The following GRM5 variants were observed in gnomAD, a reference collection of about 807,000 sequenced individuals.
GRM5 encodes the protein metabotropic glutamate receptor 5.
A neutral mutation model predicts 83.1 loss-of-function variants in GRM5; 19 were observed. The observed-to-expected ratio is 0.23, with a 90% CI of 0.16 to 0.34. GRM5 has a LOEUF of 0.34. GRM5 is among the 10% of genes least tolerant of loss of function. The pLI is 1.00. For synonymous variants in GRM5, 675 were observed against 633.6 expected, an observed-to-expected ratio of 1.07 and a Z score of -0.98; for missense variants, 1,160 against 1,588.3, an observed-to-expected ratio of 0.73 and a Z score of 4.58.
chr11:88,760,475 C>T (rs182483320), intron 3 of GRM5, among the ~76,000 whole-genome samples: 1 of 152,050 alleles, frequency 6.6e-6, no homozygotes, highest in Non-Finnish European at 1.5e-5. Flanking sequence ...TGGGTAAATT[C>T]TTGGATACAT....
At chr11:88,975,849 G>A (rs182956667) in intron 2 of GRM5, among the ~76,000 whole-genome samples, 238 of 152,248 alleles carry the variant, frequency 1.6e-3, no homozygotes, top group Admixed American at 4.2e-3. Context: ...TAAGTCAATT[G>A]TGCCTCCACT....
At chr11:89,022,065 A>AT (rs2135109873) in intron 2 of GRM5, among the ~76,000 whole-genome samples, 1 of 152,094 alleles carries the variant, frequency 6.6e-6, no homozygotes, top group South Asian at 2.1e-4. Flanking sequence ...CTGGTGAAAT[A>AT]TTTTTCCCCA....
intron 2 of GRM5, among the ~76,000 whole-genome samples, chr11:88,857,330 A>T (rs2135547661): frequency 6.6e-6 from 1 of 152,210 alleles, no homozygotes; most frequent in Admixed American, 6.6e-5. Context: ...TTTTCAAAAA[A>T]ATAAAAAATA....
At chr11:88,639,746 C>T (rs1015172441) in intron 4 of GRM5, among the ~76,000 whole-genome samples, 1 of 152,038 alleles carries the variant, frequency 6.6e-6, no homozygotes, top group Non-Finnish European at 1.5e-5. Context: ...TGCCACCACG[C>T]CCAGCTAATT....
intron 3 of GRM5, among the ~76,000 whole-genome samples, chr11:88,686,999 A>T (rs1042472272): frequency 5.3e-5 from 8 of 152,034 alleles, no homozygotes; most frequent in African/African-American, 1.9e-4. Context: ...CTGACTAGAA[A>T]TGTTATTTCC....
At chr11:88,721,787 A>G (rs1941546099) in intron 3 of GRM5, among the ~76,000 whole-genome samples, 2 of 152,162 alleles carry the variant, frequency 1.3e-5, no homozygotes, top group African/African-American at 4.8e-5. Flanking sequence ...GTGAATATAG[A>G]TAAGAACATC....
In GRM5 at chr11:88,809,842, G is replaced by C. The variant is rs556019210; in HGVS notation, c.911+40064C>G. On this transcript the variant is annotated intron_variant, in intron 3 of 9. Coordinates refer to ENST00000305447, the MANE Select transcript of GRM5 (RefSeq NM_001143831.3). ...TAGCAAATAAAAATATCAAATATCT[G>C]TTAAATTTGAATTTTAGAAAACTAG... is the stretch of plus-strand genomic sequence containing the variant. Among the ~76,000 whole-genome samples, 5 of 151,922 alleles carry C rather than the reference G, an allele frequency of 3.3e-5. No homozygotes were observed. The South Asian group carries it at 8.3e-4, about 25-fold the overall frequency.
At chr11:89,052,378 C>A (rs751096393) in intron 1 of GRM5, among the ~76,000 whole-genome samples, 1 of 151,914 alleles carries the variant, frequency 6.6e-6, no homozygotes, top group Non-Finnish European at 1.5e-5. Context: ...AAGGAGTCAA[C>A]CCAAAAAGTA....
intron 3 of GRM5, among the ~76,000 whole-genome samples, chr11:88,842,912 C>G (rs1458306624): frequency 6.6e-6 from 1 of 152,188 alleles, no homozygotes; most frequent in African/African-American, 2.4e-5. Flanking sequence ...TTATCCAAAA[C>G]TGAACTCATG....
chr11:89,039,390 G>A (rs578035078), intron 2 of GRM5, among the ~76,000 whole-genome samples: 3 of 151,962 alleles, frequency 2.0e-5, no homozygotes, highest in South Asian at 4.1e-4. Flanking sequence ...GTCCAACATC[G>A]TTCTTTCCTC....
At chr11:88,892,888 G>C (rs576886163) in intron 2 of GRM5, among the ~76,000 whole-genome samples, 2 of 152,092 alleles carry the variant, frequency 1.3e-5, no homozygotes, top group East Asian at 3.9e-4. Flanking sequence ...CCATAACCCA[G>C]AGGTTTATTT....
chr11:88,786,174 A>G (rs1031543706), intron 3 of GRM5, among the ~76,000 whole-genome samples: 2 of 152,150 alleles, frequency 1.3e-5, no homozygotes, highest in African/African-American at 4.8e-5. Context: ...ACATAGTGAA[A>G]TGGAACTATC....
chr11:88,808,607 T>G (rs1025216273), intron 3 of GRM5, among the ~76,000 whole-genome samples: 2 of 152,016 alleles, frequency 1.3e-5, no homozygotes, highest in Non-Finnish European at 2.9e-5. Flanking sequence ...AAAGCCACAT[T>G]GTAACATAGT....
chr11:88,548,238 G>T (rs950831762), intron 8 of GRM5, among the ~76,000 whole-genome samples: 7 of 152,158 alleles, frequency 4.6e-5, no homozygotes, highest in African/African-American at 1.4e-4. Flanking sequence ...AAGGAAATAT[G>T]ATTTGCATGC....
At chr11:88,815,297 G>A (rs986157379) in intron 3 of GRM5, among the ~76,000 whole-genome samples, 1 of 151,958 alleles carries the variant, frequency 6.6e-6, no homozygotes, top group Admixed American at 6.5e-5. Context: ...TTCAATATTT[G>A]GGAACTAAAT....
chr11:89,004,139 C>T (rs1473697503), intron 2 of GRM5, among the ~76,000 whole-genome samples: 2 of 151,374 alleles, frequency 1.3e-5, no homozygotes, highest in East Asian at 3.9e-4. Flanking sequence ...GAGGTCTTCG[C>T]AAATTAATAG....
At chr11:88,531,727 G>A (rs7946223) in intron 8 of GRM5, among the ~76,000 whole-genome samples, 2,062 of 152,154 alleles carry the variant, frequency 0.014, 51 homozygotes, top group African/African-American at 0.046. Flanking sequence ...AAAGCTAAAG[G>A]CACCAGAGGC....
intron 2 of GRM5, among the ~76,000 whole-genome samples, chr11:89,022,177 T>C (rs540186671): frequency 6.6e-6 from 1 of 152,282 alleles, no homozygotes; most frequent in Admixed American, 6.5e-5. Flanking sequence ...ATTTTCTTTC[T>C]ATGCTTGTGA....
chr11:88,592,912 C>A lies in GRM5; in HGVS notation c.1564-2185G>T, dbSNP rs180864486. Among the ~76,000 whole-genome samples, 145 of 152,216 alleles carry A rather than the reference C, an allele frequency of 9.5e-4. 1 individual carries two copies. Among genetic ancestry groups the A allele is most frequent in the African/African-American group, 3.5e-3 (144 of 41,548 alleles). ...CACGGCAGCCTTGACCTCCCCAGCCCAAGAGAGCCTCCCACCTCAGCTTCC... is the reference window on the plus strand; with the variant it reads ...CACGGCAGCCTTGACCTCCCCAGCCAAAGAGAGCCTCCCACCTCAGCTTCC... On this transcript the variant is annotated intron_variant, in intron 6 of 9. Transcript: ENST00000305447.
Sources: gnomAD v4.1 joint callset for allele counts (sites outside exome capture counted in the v4.1 genomes callset) on GRCh38, gnomAD v4.1.1 for gene constraint, MANE v1.5 for transcripts, NCBI Gene and HGNC (gene_info 2026-07-23, HGNC 2026-07-21) for gene names.